SOX5: variants seen among roughly 807,000 people sequenced by gnomAD.
SOX5 encodes SRY-box transcription factor 5.
In SOX5, 9 loss-of-function variants were observed where a neutral mutation model predicts 92.0. The ratio of observed to expected loss-of-function variants is 0.10; its 90% CI spans 0.06 to 0.17. SOX5 has a LOEUF of 0.17. Ranked by LOEUF, SOX5 falls within the 10% of genes least tolerant of loss-of-function variation. SOX5 has a pLI of 1.00. For missense variants in SOX5, 642 were observed against 944.5 expected (o/e 0.68, Z 4.20); for synonymous variants, 344 against 336.3 (o/e 1.02, Z -0.25).
At chr12:24,019,095 C>T (rs1954004804) in intron 4 of SOX5, among the ~76,000 whole-genome samples, 1 of 152,088 alleles carries the variant, frequency 6.6e-6, no homozygotes, top group South Asian at 2.1e-4. Flanking sequence ...CCCTCCACCA[C>T]CTGGTAGCTG....
chr12:23,855,947 A>G (rs1405007450), intron 2 of SOX5, among the ~76,000 whole-genome samples: 1 of 152,184 alleles, frequency 6.6e-6, no homozygotes, highest in East Asian at 1.9e-4. Context: ...TCAATAGAGA[A>G]CTATGTTTAG....
At chr12:23,804,302 A>T (rs1203964997) in intron 3 of SOX5, among the ~76,000 whole-genome samples, 1 of 152,180 alleles carries the variant, frequency 6.6e-6, no homozygotes, top group East Asian at 1.9e-4. Context: ...CTGAAATTCC[A>T]TTTAAATAGA....
intron 4 of SOX5, among the ~76,000 whole-genome samples, chr12:23,960,482 TATATATATTTATATAC>T (rs1318077012): frequency 3.0e-4 from 42 of 138,252 alleles, no homozygotes; most frequent in Admixed American, 7.9e-4. Context: ...ATATATGTTT[TATATATATTTATATAC>T]ATATATATTT....
upstream of SOX5, among the ~76,000 whole-genome samples, chr12:23,953,671 TAAAAC>T (rs1177093858): frequency 6.6e-6 from 1 of 151,906 alleles, no homozygotes; most frequent in Non-Finnish European, 1.5e-5. Context: ...TGAGAAAAGT[TAAAAC>T]AAAAATAAAA....
chr12:23,654,568 T>C (rs574621492), intron 7 of SOX5, among the ~76,000 whole-genome samples: 3 of 152,112 alleles, frequency 2.0e-5, no homozygotes, highest in Non-Finnish European at 4.4e-5. Flanking sequence ...TGTTTCCTTA[T>C]GGCAATAAGT....
Position 24,293,961 on chromosome 12 carries a change from C to T in SOX5, c.-173-16649G>A, listed in dbSNP as rs149409267. 2.5e-3 allele frequency among the ~76,000 whole-genome samples: 382 copies of T among 152,180 alleles called. 1 individual carries two copies. The highest frequency in any genetic ancestry group is 0.017 in the Middle Eastern group (5 of 294). On this transcript the variant is annotated intron_variant, in intron 2 of 4. Transcript: ENST00000446891. The stretch of plus-strand genomic sequence containing the variant: ...GTCACAAAAGTAAATAGCAACAGAA[C>T]GGAAACAGCTCCATTAAATAGTAAA...
At chr12:24,121,717 T>C (rs1428743442) in intron 4 of SOX5, among the ~76,000 whole-genome samples, 8 of 150,876 alleles carry the variant, frequency 5.3e-5, no homozygotes, top group African/African-American at 1.9e-4. Flanking sequence ...TGAAACCCCA[T>C]CTCTACTAAA....
chr12:24,406,328 C>T (rs1032198924), intron 1 of SOX5, among the ~76,000 whole-genome samples: 1 of 152,066 alleles, frequency 6.6e-6, no homozygotes, highest in Non-Finnish European at 1.5e-5. Flanking sequence ...ATTGAAGCTG[C>T]GTGGGTCCAT....
At chr12:24,298,783 CAA>C (rs10657648) in intron 2 of SOX5, among the ~76,000 whole-genome samples, 7 of 96,728 alleles carry the variant, frequency 7.2e-5, no homozygotes, top group South Asian at 3.9e-4. Context: ...CCAGAGTAGT[CAA>C]AAAAAAAAAA....
intron 3 of SOX5, among the ~76,000 whole-genome samples, chr12:23,817,770 C>T (rs910261740): frequency 1.3e-5 from 2 of 152,140 alleles, no homozygotes; most frequent in African/African-American, 4.8e-5. Context: ...CTTACAGAGC[C>T]TCCTGTGCTT....
chr12:24,409,446 CT>C (rs572960390), intron 1 of SOX5, among the ~76,000 whole-genome samples: 12 of 150,858 alleles, frequency 8.0e-5, no homozygotes, highest in Admixed American at 2.6e-4. Flanking sequence ...ACATGTATCC[CT>C]TTTTTTTTAG....
intron 3 of SOX5, among the ~76,000 whole-genome samples, chr12:23,819,660 T>C (rs1433737798): frequency 6.6e-6 from 1 of 152,192 alleles, no homozygotes; most frequent in Non-Finnish European, 1.5e-5. Context: ...CTCCCACTTA[T>C]GAGTGAGAAC....
At chr12:23,540,966 A>T (rs890760528) in intron 13 of SOX5, among the ~76,000 whole-genome samples, 4 of 147,850 alleles carry the variant, frequency 2.7e-5, no homozygotes, top group Non-Finnish European at 5.9e-5. Context: ...TTTGAAGATC[A>T]CTTATTTATT....
At chr12:23,905,201 C>T (rs10771041) in intron 1 of SOX5, among the ~76,000 whole-genome samples, 27,064 of 152,096 alleles carry the variant, frequency 0.18, 3,651 homozygotes, top group East Asian at 0.7. Context: ...AATTCCACTT[C>T]CACTGTTCTA....
At chr12:24,247,290 C>T (rs1939012346) in intron 3 of SOX5, among the ~76,000 whole-genome samples, 1 of 152,026 alleles carries the variant, frequency 6.6e-6, no homozygotes, top group Non-Finnish European at 1.5e-5. Flanking sequence ...TGAGATACTT[C>T]TTGGAAGAAA....
At chr12:24,478,499 C>T (rs1398347524) in intron 1 of SOX5, among the ~76,000 whole-genome samples, 3 of 152,188 alleles carry the variant, frequency 2.0e-5, no homozygotes, top group African/African-American at 7.2e-5. Context: ...AAAGAAAGAT[C>T]TCTCCACCCA....
intron 6 of SOX5, among the ~76,000 whole-genome samples, chr12:23,691,369 T>G (rs1008202812): frequency 6.6e-6 from 1 of 152,228 alleles, no homozygotes; most frequent in Non-Finnish European, 1.5e-5. Context: ...TAGCTTTAGT[T>G]AAGACTATGT....
chr12:23,757,566 T>C (rs2094431937), intron 3 of SOX5, among the ~76,000 whole-genome samples: 1 of 151,928 alleles, frequency 6.6e-6, no homozygotes, highest in African/African-American at 2.4e-5. Context: ...CAAACACCAC[T>C]GTCTCTTTTT....
chr12:23,979,716 T>G (rs1245333390), intron 4 of SOX5, among the ~76,000 whole-genome samples: 7 of 113,598 alleles, frequency 6.2e-5, no homozygotes, highest in African/African-American at 1.3e-4. Context: ...TGTTTTTTTT[T>G]TTTTTTTTTT....
Sources: gnomAD v4.1 joint callset for allele counts (sites outside exome capture counted in the v4.1 genomes callset) on GRCh38, gnomAD v4.1.1 for gene constraint, MANE v1.5 for transcripts, NCBI Gene and HGNC (gene_info 2026-07-23, HGNC 2026-07-21) for gene names.